Variants in SLC24A4 observed in about 807,000 individuals in gnomAD.
The protein encoded by SLC24A4 is sodium/potassium/calcium exchanger 4.
Under a neutral mutation model 79.0 loss-of-function variants are expected in SLC24A4, and 53 were observed. The observed-to-expected ratio is 0.67, with a 90% CI of 0.54 to 0.84. The LOEUF is 0.84. Among genes scored for constraint, SLC24A4 ranks in the 40% least tolerant of loss-of-function variants. SLC24A4 has a pLI of 0.00. For missense variants in SLC24A4, 731 were observed against 822.0 expected, an observed-to-expected ratio of 0.89 and a Z score of 1.35; for synonymous variants, 323 against 323.8, an observed-to-expected ratio of 1.00 and a Z score of 0.03.
chr14:92,446,240 C>T (rs1014626890), intron 8 of SLC24A4, among the ~76,000 whole-genome samples: 4 of 151,916 alleles, frequency 2.6e-5, no homozygotes, highest in East Asian at 3.9e-4. Context: ...GGTGCCATCT[C>T]GGCTCAAGTG....
chr14:92,431,905 TG>T (rs1178441376), intron 2 of SLC24A4, among the ~76,000 whole-genome samples: 2 of 152,068 alleles, frequency 1.3e-5, no homozygotes, highest in African/African-American at 4.8e-5. Context: ...GTGTTAGAGG[TG>T]GGGCTTAACC....
chr14:92,442,913 A>C, intron 6 of SLC24A4, 97 bp downstream of exon 6: 2 of 992,412 alleles, frequency 2.0e-6, no homozygotes, highest in Non-Finnish European at 3.1e-6. Flanking sequence ...GGGGACGCCC[A>C]CAGGACAGCT....
intron 9 of SLC24A4, among the ~76,000 whole-genome samples, 173 bp downstream of exon 9, chr14:92,447,597 G>T (rs1892874062): frequency 6.6e-6 from 1 of 152,184 alleles, no homozygotes; most frequent in Non-Finnish European, 1.5e-5. Context: ...AGGGGTGTCA[G>T]ATGCTGTTCC....
At position 92,449,080 on chromosome 14, in the gene SLC24A4, T is replaced by C. The variant is rs773042085; in HGVS notation, c.744T>C (p.Asn248=). The C allele has an allele frequency of 3.1e-6, 5 of 1,614,146 alleles. No homozygotes were observed. The highest frequency in any genetic ancestry group is 1.7e-5 in the Admixed American group (1 of 60,020). The change falls in exon 10 of 17, where the codon AAT becomes AAC. Residue 248 remains asparagine, a synonymous_variant. Transcript: ENST00000532405. ...TGCCTCCCCTCGCTTCCAGGTACAA[T>C]GTGAAGATGCAAGCCTTTTTCACAG... is the stretch of plus-strand genomic sequence containing the variant. ...YVFYILIMKY[N]VKMQAFFTVK...
chr14:92,359,944 G>C (rs1246675050), intron 2 of SLC24A4, among the ~76,000 whole-genome samples: 1 of 152,200 alleles, frequency 6.6e-6, no homozygotes, highest in Non-Finnish European at 1.5e-5. Flanking sequence ...TTTTGAGACG[G>C]AGTCTCACTG....
intron 2 of SLC24A4, among the ~76,000 whole-genome samples, chr14:92,367,638 G>A (rs946992471): frequency 1.3e-5 from 2 of 152,240 alleles, no homozygotes; most frequent in African/African-American, 4.8e-5. Context: ...AGCCTCTCAA[G>A]GAGAGAGGCT....
At chr14:92,391,775 A>AG (rs903042573) in intron 2 of SLC24A4, among the ~76,000 whole-genome samples, 3 of 152,226 alleles carry the variant, frequency 2.0e-5, no homozygotes, top group Non-Finnish European at 2.9e-5. Flanking sequence ...CTGGGAACCC[A>AG]GCGGCCATGC....
At chr14:92,461,004 A>G (rs1015587210) in intron 12 of SLC24A4, among the ~76,000 whole-genome samples, 3 of 152,154 alleles carry the variant, frequency 2.0e-5, no homozygotes, top group African/African-American at 7.2e-5. Flanking sequence ...GTAGGGGGAA[A>G]AAGAGGAAGA....
intron 12 of SLC24A4, among the ~76,000 whole-genome samples, chr14:92,459,162 C>T (rs1207452319): frequency 6.6e-6 from 1 of 152,176 alleles, no homozygotes; most frequent in Non-Finnish European, 1.5e-5. Context: ...TCATCCTTAC[C>T]TAAGCAAGTC....
chr14:92,372,997 CTTCTTTCT>C (rs371278187), intron 2 of SLC24A4, among the ~76,000 whole-genome samples: 44 of 139,410 alleles, frequency 3.2e-4, no homozygotes, highest in South Asian at 4.8e-4. Context: ...CTCTCTCTCT[CTTCTTTCT>C]TTCTTTCTTT....
At chr14:92,369,911 A>G (rs148951310) in intron 2 of SLC24A4, among the ~76,000 whole-genome samples, 292 of 152,366 alleles carry the variant, frequency 1.9e-3, no homozygotes, top group Middle Eastern at 3.4e-3. Flanking sequence ...AGAGGAGAAT[A>G]TTCTTGTCCT....
chr14:92,383,553 T>G (rs1888969484), intron 2 of SLC24A4, among the ~76,000 whole-genome samples: 1 of 152,204 alleles, frequency 6.6e-6, no homozygotes, highest in Non-Finnish European at 1.5e-5. Flanking sequence ...TTGTGACCAC[T>G]GCACTTAAAT....
At chr14:92,463,262 T>G (rs1893916669) in intron 12 of SLC24A4, among the ~76,000 whole-genome samples, 1 of 152,142 alleles carries the variant, frequency 6.6e-6, no homozygotes, top group Non-Finnish European at 1.5e-5. Context: ...GAGAGGTCTT[T>G]GTGGTCCTTT....
Position 92,342,311 on chromosome 14 carries a change from T to TG in SLC24A4, c.241+16343dup, listed in dbSNP as rs66586546. On this transcript the variant is annotated intron_variant, in intron 2 of 16. Coordinates refer to ENST00000532405, the MANE Select transcript of SLC24A4 (RefSeq NM_153646.4). The stretch of plus-strand genomic sequence containing the variant: ...ATACAGGAGGTCTGGGGTGGGGCTG[T>TG]GGGGGGGGGGTCTCCATTTCTGACA... Among the ~76,000 whole-genome samples, 714 of 145,834 alleles carry TG rather than the reference T, an allele frequency of 4.9e-3. 7 individuals carry two copies. Among genetic ancestry groups the TG allele is most frequent in the African/African-American group, 0.017 (673 of 39,728 alleles).
chr14:92,480,483 C>T (rs1340461428), intron 12 of SLC24A4, among the ~76,000 whole-genome samples: 87 of 149,500 alleles, frequency 5.8e-4, no homozygotes, highest in Non-Finnish European at 1.1e-3. Flanking sequence ...TTAGTAGAGA[C>T]GGGGTTTCAC....
intron 10 of SLC24A4, chr14:92,451,350 G>A (rs1008783183): frequency 1.4e-4 from 21 of 152,300 alleles, no homozygotes; most frequent in East Asian, 3.9e-4. Context: ...GCGTAGACTC[G>A]ACTGAAGCAG....
At chr14:92,493,348 AC>A (rs1895803521) in intron 16 of SLC24A4, 127 bp from the exon 17 acceptor site, 3 of 1,108,818 alleles carry the variant, frequency 2.7e-6, no homozygotes, top group African/African-American at 3.1e-5. Flanking sequence ...AGACTGCAGC[AC>A]CCCGCTACAC....
chr14:92,329,046 C>CT (rs1336782439), intron 2 of SLC24A4, among the ~76,000 whole-genome samples: 1 of 152,264 alleles, frequency 6.6e-6, no homozygotes, highest in African/African-American at 2.4e-5. Context: ...TGCCTCCCTT[C>CT]TGCACAGTTG....
At chr14:92,395,231 G>A (rs891223250) in intron 2 of SLC24A4, among the ~76,000 whole-genome samples, 1 of 152,098 alleles carries the variant, frequency 6.6e-6, no homozygotes, top group Admixed American at 6.5e-5. Flanking sequence ...AGGGGCTCAG[G>A]TGCCTCAGGT....
Sources: gnomAD v4.1 joint callset for allele counts (sites outside exome capture counted in the v4.1 genomes callset) on GRCh38, gnomAD v4.1.1 for gene constraint, MANE v1.5 for transcripts, NCBI Gene and HGNC (gene_info 2026-07-23, HGNC 2026-07-21) for gene names.